The following DLG2 variants were observed in gnomAD, a reference collection of about 807,000 sequenced individuals.
DLG2 encodes the protein discs large MAGUK scaffold protein 2, also known as disks large homolog 2.
In DLG2, 45 loss-of-function variants were observed where a neutral mutation model predicts 132.5. That is an observed-to-expected ratio of 0.34 (90% CI 0.27 to 0.44). DLG2 has a LOEUF of 0.44. Ranked by LOEUF, DLG2 falls within the 20% of genes least tolerant of loss-of-function variation. The probability of loss-of-function intolerance (pLI) is 1.00; values close to 1 mark genes in which losing one functional copy is unlikely to be tolerated. For synonymous variants in DLG2, 424 were observed against 419.6 expected (o/e 1.01, Z -0.13); for missense variants, 1,045 against 1,196.9 (o/e 0.87, Z 1.87).
intron 6 of DLG2, among the ~76,000 whole-genome samples, chr11:84,767,596 C>G (rs548382658): frequency 4.3e-4 from 65 of 151,970 alleles, no homozygotes; most frequent in Admixed American, 1.1e-3. Flanking sequence ...TAAGATTGTT[C>G]CTAACCTGGA....
At chr11:85,227,300 A>C (rs1317500245) in intron 4 of DLG2, among the ~76,000 whole-genome samples, 1 of 152,090 alleles carries the variant, frequency 6.6e-6, no homozygotes, top group Non-Finnish European at 1.5e-5. Flanking sequence ...ATCTAAAATC[A>C]AGAAAAAATT....
chr11:85,479,872 C>G (rs1359863323), intron 3 of DLG2, among the ~76,000 whole-genome samples: 3 of 152,176 alleles, frequency 2.0e-5, no homozygotes, highest in Non-Finnish European at 4.4e-5. Flanking sequence ...ACATTGTCTT[C>G]TGTTCAAATC....
intron 3 of DLG2, among the ~76,000 whole-genome samples, chr11:85,330,677 A>C (rs867706967): frequency 1.5e-4 from 16 of 107,416 alleles, no homozygotes; most frequent in African/African-American, 5.0e-4. Context: ...ACCTAATGCT[A>C]GATGACACGT....
intron 6 of DLG2, among the ~76,000 whole-genome samples, chr11:84,870,312 TA>T (rs1243397636): frequency 6.6e-6 from 1 of 152,182 alleles, no homozygotes; most frequent in African/African-American, 2.4e-5. Flanking sequence ...TGAGAACAAT[TA>T]GAGATGTCAG....
At chr11:83,561,883 C>CTT (rs66514406) in intron 19 of DLG2, among the ~76,000 whole-genome samples, 1,285 of 87,888 alleles carry the variant, frequency 0.015, 48 homozygotes, top group African/African-American at 0.031. Context: ...GTATTTCTTT[C>CTT]TTTTTTTTTT....
intron 11 of DLG2, among the ~76,000 whole-genome samples, chr11:84,052,603 C>T (rs908824612): frequency 6.6e-5 from 10 of 150,548 alleles, no homozygotes; most frequent in African/African-American, 2.2e-4. Flanking sequence ...AAAAGCTCAA[C>T]GTCACTGATC....
chr11:85,359,381 G>A (rs2083973898), intron 3 of DLG2, among the ~76,000 whole-genome samples: 1 of 152,134 alleles, frequency 6.6e-6, no homozygotes. Flanking sequence ...CAACCTTAAA[G>A]GGAAAAATAA....
chr11:85,000,068 G>A (rs537700986), intron 6 of DLG2, among the ~76,000 whole-genome samples: 49 of 151,954 alleles, frequency 3.2e-4, no homozygotes, highest in Admixed American at 7.2e-4. Flanking sequence ...TAACATACCC[G>A]TGCATTCCTT....
chr11:84,809,381 A>G (rs998147074), intron 6 of DLG2, among the ~76,000 whole-genome samples: 7 of 151,892 alleles, frequency 4.6e-5, no homozygotes, highest in African/African-American at 1.7e-4. Flanking sequence ...CAAGACAAGG[A>G]TATCTTTCCC....
Position 83,480,336 on chromosome 11 carries a change from C to CAAAG in DLG2, c.2293+3789_2293+3792dup, listed in dbSNP as rs1565398707. The CAAAG allele has an allele frequency of 5.3e-6, 8 of 1,523,470 alleles. No homozygotes were observed. The Admixed American group carries it at 7.9e-5, about 15-fold the overall frequency. The allele number at this position is 1,523,470 out of a possible 1,614,324, so 94.4% of individuals were successfully genotyped here. On this transcript the variant is annotated intron_variant, in intron 22 of 27. Coordinates refer to ENST00000376104, the MANE Select transcript of DLG2 (RefSeq NM_001142699.3). ...ACCACCACAGGCAATGGGGCAATTGCAAAGAAAATAACCGCAAACCAAAGC... is the reference window on the plus strand; with the variant it reads ...ACCACCACAGGCAATGGGGCAATTGCAAAGAAAGAAAATAACCGCAAACCAAAGC...
In DLG2 at chr11:84,214,274, C is replaced by CATATATATGAATATATATATACAT. The variant is rs1040285244; in HGVS notation, c.573+36963_573+36964insATGTATATATATATTCATATATAT. On this transcript the variant is annotated intron_variant, in intron 8 of 27. Coordinates refer to ENST00000376104, the MANE Select transcript of DLG2 (RefSeq NM_001142699.3). ...ATACATATATATGAATATATATACA[C>CATATATATGAATATATATATACAT]ATATATGAATATATATATGAGAGAA... Among the ~76,000 whole-genome samples, 167 of 128,370 alleles carry CATATATATGAATATATATATACAT rather than the reference C, an allele frequency of 1.3e-3. 10 individuals are homozygous for CATATATATGAATATATATATACAT. The highest frequency in any genetic ancestry group is 6.8e-3 in the African/African-American group (159 of 23,376). The allele number at this position is 128,370 out of a possible 152,430, so 84.2% of individuals were successfully genotyped here.
chr11:85,060,351 T>A (rs912745307), intron 6 of DLG2, among the ~76,000 whole-genome samples: 29 of 150,276 alleles, frequency 1.9e-4, no homozygotes, highest in African/African-American at 7.1e-4. Context: ...TATGTATATA[T>A]AATGTTATAA....
chr11:83,564,221 T>A (rs575234624), intron 19 of DLG2, among the ~76,000 whole-genome samples: 1 of 152,334 alleles, frequency 6.6e-6, no homozygotes, highest in Admixed American at 6.5e-5. Context: ...AGGGATTCTT[T>A]TTTAACTTCC....
At chr11:85,377,093 A>C (rs2085467634) in intron 3 of DLG2, among the ~76,000 whole-genome samples, 1 of 152,224 alleles carries the variant, frequency 6.6e-6, no homozygotes, top group South Asian at 2.1e-4. Flanking sequence ...TAAGTGATAG[A>C]GGTAGCATAT....
At chr11:84,193,166 T>C (rs748990812) in intron 8 of DLG2, among the ~76,000 whole-genome samples, 4 of 152,148 alleles carry the variant, frequency 2.6e-5, no homozygotes, top group Admixed American at 6.5e-5. Context: ...TAGACAGTCA[T>C]TGTTGAATAA....
rs528173381 is a variant in DLG2, at chr11:84,177,892, C to A, written c.574-14381G>T. 2.0e-5 allele frequency among the ~76,000 whole-genome samples: 3 copies of A among 152,168 alleles called. No individual in the cohort carries two copies. The South Asian group carries it at 6.2e-4, about 32-fold the overall frequency. On this transcript the variant is annotated intron_variant, in intron 8 of 27. Transcript: ENST00000376104. ...CAGACTGGTGGAATAGGGAGCTCAG[C>A]AAATCCTGTCCCCAAAGAACAACTT...
At chr11:85,376,999 A>T (rs1053448961) in intron 3 of DLG2, among the ~76,000 whole-genome samples, 2 of 152,186 alleles carry the variant, frequency 1.3e-5, no homozygotes, top group Non-Finnish European at 2.9e-5. Context: ...TTAATTCTCA[A>T]ACAACTCCAT....
chr11:85,255,627 A>G (rs2076628369), intron 4 of DLG2, among the ~76,000 whole-genome samples: 1 of 152,256 alleles, frequency 6.6e-6, no homozygotes, highest in African/African-American at 2.4e-5. Context: ...AATCTTAAGT[A>G]CATCTGAAGA....
intron 5 of DLG2, among the ~76,000 whole-genome samples, chr11:85,143,103 T>C (rs2076604610): frequency 6.6e-6 from 1 of 151,778 alleles, no homozygotes; most frequent in African/African-American, 2.4e-5. Context: ...TCCTAGATTT[T>C]TTCAAGTAGT....
Sources: gnomAD v4.1 joint callset for allele counts (sites outside exome capture counted in the v4.1 genomes callset) on GRCh38, gnomAD v4.1.1 for gene constraint, MANE v1.5 for transcripts, NCBI Gene and HGNC (gene_info 2026-07-23, HGNC 2026-07-21) for gene names.